Variants in RALGPS2 observed in about 807,000 individuals in gnomAD.
RALGPS2 encodes Ral GEF with PH domain and SH3 binding motif 2.
A neutral mutation model predicts 86.8 loss-of-function variants in RALGPS2; 43 were observed. The observed-to-expected ratio is 0.50, with a 90% confidence interval of 0.39 to 0.64. The LOEUF (loss-of-function observed/expected upper bound fraction) is 0.64, where lower values mean the gene tolerates loss of function less well. Among genes scored for constraint, RALGPS2 ranks in the 30% least tolerant of loss-of-function variants. RALGPS2 has a pLI of 0.00. For missense variants in RALGPS2, 536 were observed against 694.6 expected, an observed-to-expected ratio of 0.77 and a Z score of 2.57; for synonymous variants, 243 against 231.3, an observed-to-expected ratio of 1.05 and a Z score of -0.46.
intron 8 of RALGPS2, chr1:178,865,460 A>G (rs1451749192): frequency 1.2e-6 from 2 of 1,613,938 alleles, no homozygotes; most frequent in South Asian, 1.1e-5. Context: ...ATCTACATCC[A>G]CCACCAGTTG....
chr1:178,840,103 G>A (rs1280184050), intron 8 of RALGPS2, among the ~76,000 whole-genome samples: 1 of 152,092 alleles, frequency 6.6e-6, no homozygotes, highest in African/African-American at 2.4e-5. Context: ...AAGACAGAAG[G>A]TTAACAAGGA....
chr1:178,816,785 T>G (rs550301931), intron 6 of RALGPS2, among the ~76,000 whole-genome samples: 19 of 151,792 alleles, frequency 1.3e-4, no homozygotes, highest in Admixed American at 1.1e-3. Flanking sequence ...CTCAGCTCAT[T>G]GCAACCTCTG....
intron 1 of RALGPS2, among the ~76,000 whole-genome samples, chr1:178,762,032 C>T (rs1345230089): frequency 6.6e-6 from 1 of 152,072 alleles, no homozygotes; most frequent in African/African-American, 2.4e-5. Context: ...TCAAGTAGGC[C>T]CTGGTGTCAG....
At chr1:178,740,301 C>T (rs183923443) in intron 1 of RALGPS2, among the ~76,000 whole-genome samples, 146 of 152,294 alleles carry the variant, frequency 9.6e-4, no homozygotes, top group Admixed American at 1.5e-3. Flanking sequence ...GCTTTTTCTA[C>T]AGTACATTGC....
At position 178,919,850 on chromosome 1, in the gene RALGPS2, G is replaced by T. The variant is rs1572485466; in HGVS notation, c.*3491G>T. The T allele has an allele frequency of 6.6e-6, 1 of 151,984 alleles. No individual in the cohort carries two copies. The highest frequency in any genetic ancestry group is 2.4e-5 in the African/African-American group (1 of 41,432). The allele number at this position is 151,984 out of a possible 1,614,324, so 9.4% of individuals were successfully genotyped here. On this transcript the variant is annotated 3_prime_UTR_variant, in exon 20 of 20. Transcript: ENST00000367635. ...CAAGGGGTGCCAGTGTTGCCTAACA[G>T]AAGATAATCTTTAATAAAGCAAATC...
chr1:178,883,392 A>G (rs1659344618), intron 10 of RALGPS2, 74 bp from the exon 11 acceptor site: 1 of 1,212,018 alleles, frequency 8.3e-7, no homozygotes, highest in South Asian at 1.3e-5. Flanking sequence ...TTTTGTGAGA[A>G]AATACACAAC....
intron 5 of RALGPS2, among the ~76,000 whole-genome samples, chr1:178,809,535 A>C (rs1162925982): frequency 3.3e-5 from 5 of 152,174 alleles, no homozygotes; most frequent in Non-Finnish European, 7.3e-5. Flanking sequence ...TTAAAAAAAA[A>C]CAGTTTGTTA....
At chr1:178,823,803 T>G (rs1161932290) in intron 7 of RALGPS2, among the ~76,000 whole-genome samples, 1 of 152,224 alleles carries the variant, frequency 6.6e-6, no homozygotes. Flanking sequence ...ATACTGTGTT[T>G]GAGTTGGCTA....
chr1:178,863,103 T>C (rs1403884982), intron 8 of RALGPS2, among the ~76,000 whole-genome samples: 2 of 152,214 alleles, frequency 1.3e-5, no homozygotes, highest in African/African-American at 4.8e-5. Flanking sequence ...ACACAGCTGG[T>C]AGCCTATGGA....
chr1:178,806,858 T>C lies in RALGPS2; in HGVS notation c.214-1187T>C, dbSNP rs559836418. Among the ~76,000 whole-genome samples the C allele has an allele frequency of 2.0e-4, 30 of 152,322 alleles. No homozygotes were observed. In the East Asian group the frequency reaches 5.2e-3, roughly 26 times the overall value. ...CTGGCTATTGTTGTATTACAGAAGT[T>C]TGTTAACCTGTTTCGGACCTTGGAC... On this transcript the variant is annotated intron_variant, in intron 4 of 19. Transcript: ENST00000367635.
chr1:178,864,726 C>G (rs1658263592), intron 8 of RALGPS2, among the ~76,000 whole-genome samples: 1 of 152,056 alleles, frequency 6.6e-6, no homozygotes, highest in Non-Finnish European at 1.5e-5. Context: ...GGATGGAAGA[C>G]TGGTTTTTTT....
chr1:178,842,630 A>C (rs1328440128), intron 8 of RALGPS2, among the ~76,000 whole-genome samples: 4 of 126,220 alleles, frequency 3.2e-5, no homozygotes, highest in Non-Finnish European at 6.7e-5. Flanking sequence ...AGCAATGGCA[A>C]CAAAAGACAA....
At chr1:178,882,164 G>C (rs1057078781) in intron 10 of RALGPS2, among the ~76,000 whole-genome samples, 13 of 152,104 alleles carry the variant, frequency 8.5e-5, no homozygotes, top group Admixed American at 3.3e-4. Context: ...TTTTTATATT[G>C]CTGTCAGTTT....
intron 8 of RALGPS2, among the ~76,000 whole-genome samples, chr1:178,863,630 G>A (rs146765198): frequency 1.3e-5 from 2 of 152,198 alleles, no homozygotes; most frequent in South Asian, 4.1e-4. Flanking sequence ...CAAACGTCTA[G>A]CTTTGGTTAA....
chr1:178,836,048 A>G (rs1051948986), intron 8 of RALGPS2, among the ~76,000 whole-genome samples: 3 of 152,050 alleles, frequency 2.0e-5, no homozygotes, highest in African/African-American at 7.2e-5. Flanking sequence ...CCTTCTTGAC[A>G]TTTTTCCACA....
intron 8 of RALGPS2, among the ~76,000 whole-genome samples, chr1:178,859,191 C>T (rs1280364717): frequency 6.6e-6 from 1 of 151,948 alleles, no homozygotes; most frequent in Non-Finnish European, 1.5e-5. Context: ...CTGGCTAATA[C>T]AGTCATTTTC....
chr1:178,874,066 A>T (rs2102357484), intron 8 of RALGPS2, among the ~76,000 whole-genome samples: 1 of 152,280 alleles, frequency 6.6e-6, no homozygotes, highest in South Asian at 2.1e-4. Context: ...ACAATAAAAT[A>T]TGATTTTTAA....
chr1:178,735,629 G>T (rs1650647199), intron 1 of RALGPS2, among the ~76,000 whole-genome samples: 1 of 144,096 alleles, frequency 6.9e-6, no homozygotes. Context: ...TTTTAGTGAT[G>T]GGATTTCACC....
chr1:178,778,840 A>T (rs562861827), intron 2 of RALGPS2, among the ~76,000 whole-genome samples: 1 of 152,172 alleles, frequency 6.6e-6, no homozygotes, highest in Non-Finnish European at 1.5e-5. Flanking sequence ...TGGGAATTGA[A>T]CAATGAGAAA....
Sources: allele counts gnomAD v4.1 joint callset (sites outside exome capture counted in the v4.1 genomes callset), GRCh38; gene constraint gnomAD v4.1.1; transcripts MANE v1.5; gene names NCBI Gene and HGNC (gene_info 2026-07-23, HGNC 2026-07-21).